Variants in VAMP7 observed in about 807,000 individuals in gnomAD.
The protein encoded by VAMP7 is vesicle-associated membrane protein 7.
Under a neutral mutation model 29.6 loss-of-function variants are expected in VAMP7, and 14 were observed. The ratio of observed to expected loss-of-function variants is 0.47; its 90% confidence interval spans 0.31 to 0.74. The LOEUF is 0.74. Among genes scored for constraint, VAMP7 ranks in the 30% least tolerant of loss-of-function variants. The pLI, the probability that VAMP7 is intolerant of heterozygous loss-of-function variation, is 0.05. For synonymous variants in VAMP7, 95 were observed against 88.1 expected (o/e 1.08, Z -0.44); for missense variants, 223 against 262.4 (o/e 0.85, Z 1.04).
chrX:155,941,881 A>G lies in VAMP7; in HGVS notation c.595-2A>G. The G allele has an allele frequency of 6.2e-7, 1 of 1,613,568 alleles. No individual in the cohort carries two copies. Among genetic ancestry groups the G allele is most frequent in the Non-Finnish European group, 8.5e-7 (1 of 1,179,666 alleles). On this transcript the variant is annotated splice_acceptor_variant, in intron 7 of 7. Transcript: ENST00000286448. LOFTEE classifies it high-confidence loss of function. Reference sequence around the variant, plus strand: ...ATAAAATTGCTCTCCTCGTCCCTCCAGGTGTTCATCTATATCATTGTTTCA... The same window carrying G: ...ATAAAATTGCTCTCCTCGTCCCTCCGGGTGTTCATCTATATCATTGTTTCA...
At chrX:155,898,003 A>C in intron 3 of VAMP7, 109 bp from the exon 4 acceptor site, 1 of 1,366,458 alleles carries the variant, frequency 7.3e-7, no homozygotes, top group Non-Finnish European at 1.0e-6. Context: ...GTTCCTCCTC[A>C]GATAATCATT....
intron 5 of VAMP7, among the ~76,000 whole-genome samples, chrX:155,912,308 G>T (rs2066248791): frequency 6.6e-6 from 1 of 152,006 alleles, no homozygotes; most frequent in African/African-American, 2.4e-5. Context: ...AATTATGGAT[G>T]AAAATGGAAA....
intron 5 of VAMP7, among the ~76,000 whole-genome samples, chrX:155,907,410 G>C (rs1439811726): frequency 5.9e-5 from 9 of 152,010 alleles, no homozygotes; most frequent in African/African-American, 2.2e-4. Flanking sequence ...CCTAGGCAGA[G>C]GACCCTGCGG....
chrX:155,927,508 A>AAAT (rs1211867627), intron 6 of VAMP7, among the ~76,000 whole-genome samples: 11 of 133,354 alleles, frequency 8.2e-5, no homozygotes, highest in African/African-American at 3.1e-4. Context: ...AAAAAAAAAA[A>AAAT]TCCATGAAGT....
chrX:155,906,742 C>T (rs1263681937), intron 5 of VAMP7, among the ~76,000 whole-genome samples: 3 of 152,104 alleles, frequency 2.0e-5, no homozygotes, highest in South Asian at 2.1e-4. Flanking sequence ...TATATAGAAT[C>T]ATGCTACTTG....
intron 5 of VAMP7, among the ~76,000 whole-genome samples, chrX:155,905,858 C>T (rs1272835775): frequency 3.3e-5 from 5 of 152,070 alleles, no homozygotes; most frequent in Admixed American, 6.5e-5. Flanking sequence ...CTCAAAATTG[C>T]TTTGACTATT....
Position 155,929,724 on chromosome X carries a change from T to C in VAMP7, c.501+9844T>C, listed in dbSNP as rs2066520406. Among the ~76,000 whole-genome samples, 3 of 152,136 alleles carry C rather than the reference T, an allele frequency of 2.0e-5. No individual in the cohort carries two copies. In the South Asian group the frequency reaches 6.2e-4, roughly 32 times the overall value. ...AAAAAGGTACCATGGCTTAAAGAACTTAGTGAGGTCTCAAGGCCAAATTGA... is the reference window on the plus strand; with the variant it reads ...AAAAAGGTACCATGGCTTAAAGAACCTAGTGAGGTCTCAAGGCCAAATTGA... On this transcript the variant is annotated intron_variant, in intron 6 of 7. Coordinates refer to ENST00000286448, the MANE Select transcript of VAMP7 (RefSeq NM_005638.6).
At chrX:155,923,030 C>A (rs2066417435) in intron 6 of VAMP7, among the ~76,000 whole-genome samples, 1 of 151,888 alleles carries the variant, frequency 6.6e-6, no homozygotes, top group African/African-American at 2.4e-5. Context: ...TATAATCTCC[C>A]TTAAAGTGGC....
At chrX:155,939,099 C>CT (rs61359795) in intron 6 of VAMP7, among the ~76,000 whole-genome samples, 1 of 156 alleles carries the variant, frequency 6.4e-3, no homozygotes, top group African/African-American at 0.033. Context: ...GGGACCATAC[C>CT]AGAGTGGATT....
At chrX:155,934,096 T>G (rs987014669) in intron 6 of VAMP7, among the ~76,000 whole-genome samples, 1 of 152,214 alleles carries the variant, frequency 6.6e-6, no homozygotes, top group Non-Finnish European at 1.5e-5. Context: ...CTTTTACATT[T>G]GCTGAGGAGT....
intron 1 of VAMP7, among the ~76,000 whole-genome samples, chrX:155,886,504 C>G (rs1022992822): frequency 6.6e-6 from 1 of 152,148 alleles, no homozygotes; most frequent in African/African-American, 2.4e-5. Flanking sequence ...TAGTTATATT[C>G]TGAATAATGT....
At chrX:155,901,410 A>G (rs1209960922) in intron 5 of VAMP7, among the ~76,000 whole-genome samples, 10 of 152,060 alleles carry the variant, frequency 6.6e-5, no homozygotes, top group Admixed American at 5.9e-4. Context: ...GAGGCAGACA[A>G]TTGCTACAAT....
chrX:155,881,872 C>T (rs111643640), intron 1 of VAMP7, among the ~76,000 whole-genome samples: 3,746 of 152,194 alleles, frequency 0.025, 170 homozygotes, highest in African/African-American at 0.087. Flanking sequence ...GCCCCTTATT[C>T]GCCCTTCCTC....
At chrX:155,883,788 G>A (rs2065833420) in intron 1 of VAMP7, among the ~76,000 whole-genome samples, 2 of 146,322 alleles carry the variant, frequency 1.4e-5, no homozygotes, top group Non-Finnish European at 3.0e-5. Flanking sequence ...TCGGCTCACT[G>A]CAACCTCCGC....
chrX:155,912,107 GTTAGCTGT>G (rs2066245692), intron 5 of VAMP7, among the ~76,000 whole-genome samples: 1 of 152,060 alleles, frequency 6.6e-6, no homozygotes, highest in African/African-American at 2.4e-5. Flanking sequence ...TCCGTATGAT[GTTAGCTGT>G]GGGTTTGTCA....
rs2124417507 is a variant in VAMP7, at chrX:155,942,162, G to A, written c.*211G>A. ...TGAACTTCAGATTGAACCATTCATT[G>A]CAGCAGTAGCCTTAAAAAGGCTTTT... On this transcript the variant is annotated 3_prime_UTR_variant, in exon 8 of 8. Coordinates refer to ENST00000286448, the MANE Select transcript of VAMP7 (RefSeq NM_005638.6). 6 of 1,547,218 alleles carry A rather than the reference G, an allele frequency of 3.9e-6. No individual in the cohort carries two copies. The highest frequency in any genetic ancestry group is 1.2e-5 in the South Asian group (1 of 83,574).
At chrX:155,926,396 T>G (rs2066467174) in intron 6 of VAMP7, among the ~76,000 whole-genome samples, 1 of 152,204 alleles carries the variant, frequency 6.6e-6, no homozygotes, top group African/African-American at 2.4e-5. Context: ...CCTTGTACTT[T>G]TATGTTATAG....
intron 5 of VAMP7, among the ~76,000 whole-genome samples, chrX:155,907,063 G>T (rs1009875827): frequency 1.3e-5 from 2 of 151,870 alleles, no homozygotes; most frequent in African/African-American, 4.8e-5. Context: ...TGAAATGATG[G>T]TTTTTGTTCT....
chrX:155,940,805 G>C (rs1048217783), intron 7 of VAMP7, among the ~76,000 whole-genome samples: 11 of 152,268 alleles, frequency 7.2e-5, no homozygotes, highest in African/African-American at 2.6e-4. Context: ...GTGTGTGTAT[G>C]TGTGAATATG....
Sources: gnomAD v4.1 joint callset for allele counts (sites outside exome capture counted in the v4.1 genomes callset) on GRCh38, gnomAD v4.1.1 for gene constraint, MANE v1.5 for transcripts, NCBI Gene and HGNC (gene_info 2026-07-23, HGNC 2026-07-21) for gene names.